Variants in PPP4R3B observed in about 807,000 individuals in gnomAD.
PPP4R3B encodes protein phosphatase 4 regulatory subunit 3B, also known as serine/threonine-protein phosphatase 4 regulatory subunit 3B.
A neutral mutation model predicts 95.4 loss-of-function variants in PPP4R3B; 52 were observed. The ratio of observed to expected loss-of-function variants is 0.54; its 90% CI spans 0.44 to 0.69. The LOEUF (loss-of-function observed/expected upper bound fraction) is 0.69, where lower values mean the gene tolerates loss of function less well. Among genes scored for constraint, PPP4R3B ranks in the 30% least tolerant of loss-of-function variants. The pLI, the probability that PPP4R3B is intolerant of heterozygous loss-of-function variation, is 0.00. For missense variants in PPP4R3B, 1,003 were observed against 1,005.9 expected, an observed-to-expected ratio of 1.00 and a Z score of 0.04; for synonymous variants, 407 against 343.9, an observed-to-expected ratio of 1.18 and a Z score of -2.03.
intron 16 of PPP4R3B, among the ~76,000 whole-genome samples, chr2:55,554,678 C>T (rs1685618183): frequency 1.3e-5 from 2 of 152,158 alleles, no homozygotes; most frequent in African/African-American, 4.8e-5. Flanking sequence ...ACAAATATTT[C>T]CTCCCATTTT....
intron 16 of PPP4R3B, among the ~76,000 whole-genome samples, chr2:55,554,974 T>C (rs1255857421): frequency 6.6e-6 from 1 of 152,150 alleles, no homozygotes; most frequent in Non-Finnish European, 1.5e-5. Flanking sequence ...TATCCAGTTG[T>C]AACATTTATT....
chr2:55,599,499 G>C (rs1572695637), intron 3 of PPP4R3B, among the ~76,000 whole-genome samples: 1 of 152,026 alleles, frequency 6.6e-6, no homozygotes, highest in East Asian at 1.9e-4. Flanking sequence ...TTCTCTTCCA[G>C]CTTGGTCCCT....
chr2:55,554,936 G>A (rs1394164055), intron 16 of PPP4R3B, among the ~76,000 whole-genome samples: 1 of 152,022 alleles, frequency 6.6e-6, no homozygotes, highest in Non-Finnish European at 1.5e-5. Context: ...GTGAGATAGG[G>A]ATCTAACTTC....
At chr2:55,571,677 G>GT (rs1259499204) in intron 12 of PPP4R3B, among the ~76,000 whole-genome samples, 5 of 152,182 alleles carry the variant, frequency 3.3e-5, no homozygotes, top group Non-Finnish European at 7.3e-5. Context: ...CCAGGCTAGA[G>GT]TGCAGTGTTG....
chr2:55,584,303 G>A (rs551677683), intron 7 of PPP4R3B, among the ~76,000 whole-genome samples: 1 of 152,048 alleles, frequency 6.6e-6, no homozygotes, highest in South Asian at 2.1e-4. Context: ...TATCAGTAGT[G>A]GGAAAACACA....
chr2:55,568,246 C>T lies in PPP4R3B; in HGVS notation c.1883G>A (p.Arg628Gln). The change falls in exon 13 of 17, where the codon CGG becomes CAG. Residue 628 changes from arginine to glutamine, a missense_variant. Physicochemically the swap from Arg to Gln is conservative, Grantham distance 43. This residue lies in a region of PPP4R3B where 79 missense variants were observed against 124.9 expected (regional missense o/e 0.63). Transcript: ENST00000616407. Reference protein sequence around the residue: ...VINALLDNGTRYNLLNSAVIE... With the variant: ...VINALLDNGTQYNLLNSAVIE... ...AACAGCTGAATTCAACAGATTATACCGAGTTCCATTATCCAGAAGTGCATT... is the reference window on the plus strand; with the variant it reads ...AACAGCTGAATTCAACAGATTATACTGAGTTCCATTATCCAGAAGTGCATT... 1 of 1,604,542 alleles carries T rather than the reference C, an allele frequency of 6.2e-7. No homozygotes were observed. Among genetic ancestry groups the T allele is most frequent in the South Asian group, 1.1e-5 (1 of 89,074 alleles).
intron 1 of PPP4R3B, chr2:55,616,710 T>TGG (rs1226958393): frequency 6.6e-6 from 1 of 152,510 alleles, no homozygotes; most frequent in Non-Finnish European, 1.5e-5. Flanking sequence ...CTGTGGCACC[T>TGG]GGGGCCCGTT....
intron 2 of PPP4R3B, among the ~76,000 whole-genome samples, chr2:55,608,030 G>C (rs571380853): frequency 2.6e-4 from 40 of 152,108 alleles, no homozygotes; most frequent in African/African-American, 8.9e-4. Flanking sequence ...TTTTGATACA[G>C]AGTCTCACTC....
At chr2:55,603,930 C>T in intron 3 of PPP4R3B, 48 bp downstream of exon 3, 2 of 1,372,622 alleles carry the variant, frequency 1.5e-6, no homozygotes, top group East Asian at 4.7e-5. Flanking sequence ...AACAAAAATT[C>T]CAGAAAAGAA....
At position 55,564,819 on chromosome 2, in the gene PPP4R3B, T is replaced by G; in HGVS notation, c.2075+83A>C. ...CAGTGATGGAAAGAAAATTCCTCAGTAAATTTCACATGGAAAATCTGAACT... is the reference window on the plus strand; with the variant it reads ...CAGTGATGGAAAGAAAATTCCTCAGGAAATTTCACATGGAAAATCTGAACT... On this transcript the variant is annotated intron_variant, in intron 14 of 16. Coordinates refer to ENST00000616407, the MANE Select transcript of PPP4R3B (RefSeq NM_001122964.3). 3 of 1,523,176 alleles carry G rather than the reference T, an allele frequency of 2.0e-6. No homozygotes were observed. In the South Asian group the frequency reaches 3.6e-5, roughly 18 times the overall value. 94.4% of individuals were successfully genotyped at this position (1,523,176 alleles called of 1,614,324 possible). A position where few individuals can be genotyped will look rare whatever the true frequency, so the allele number is the denominator to read the frequency against.
chr2:55,617,223 G>A lies in PPP4R3B; in HGVS notation c.63C>T (p.Asp21=), dbSNP rs552808379. The A allele has an allele frequency of 4.3e-6, 7 of 1,614,036 alleles. No homozygotes were observed. Among genetic ancestry groups the A allele is most frequent in the African/African-American group, 1.3e-5 (1 of 75,028 alleles). The change falls in exon 1 of 17, where the codon GAC becomes GAT. Residue 21 remains aspartate, a synonymous_variant. Coordinates refer to ENST00000616407, the MANE Select transcript of PPP4R3B (RefSeq NM_001122964.3). ...TGGAGGAGACGTGCCCGGTGCCTCG[G>A]TCGTCCCATTGCCGGTCTTCGTTCA... ...YTLNEDRQWD[D]RGTGHVSSTY... is the part of the protein sequence containing the mutation.
At chr2:55,589,888 C>T (rs1690726109) in intron 4 of PPP4R3B, among the ~76,000 whole-genome samples, 1 of 138,500 alleles carries the variant, frequency 7.2e-6, no homozygotes, top group African/African-American at 2.7e-5. Context: ...TGTATTCCAG[C>T]CTGGACAAAA....
In PPP4R3B at chr2:55,568,502, C is replaced by T. The variant is rs1177566750; in HGVS notation, c.1766-139G>A. ...CTGTGTATAAAGTAAAAAGTAAACT[C>T]CTCTAAAATGAAAAGTAAAACTGTC... On this transcript the variant is annotated intron_variant, in intron 12 of 16. Transcript: ENST00000616407. 1.8e-5 allele frequency: 11 copies of T among 616,752 alleles called. No individual in the cohort carries two copies. The South Asian group carries it at 3.9e-4, about 22-fold the overall frequency. The allele number at this position is 616,752 out of a possible 1,614,324, so 38.2% of individuals were successfully genotyped here.
At chr2:55,581,781 A>C in intron 7 of PPP4R3B, 83 bp from the exon 8 acceptor site, 4 of 1,445,208 alleles carry the variant, frequency 2.8e-6, no homozygotes, top group South Asian at 1.3e-5. Context: ...CTGAAAGAGC[A>C]AAGTGAGAAT....
At chr2:55,606,588 G>A (rs926049238) in intron 2 of PPP4R3B, among the ~76,000 whole-genome samples, 6 of 151,984 alleles carry the variant, frequency 3.9e-5, no homozygotes, top group Admixed American at 6.6e-5. Context: ...TTGGGAGGCC[G>A]AGGCGGGCGG....
Position 55,549,781 on chromosome 2 carries a change from T to TA in PPP4R3B, c.*129dup. On this transcript the variant is annotated 3_prime_UTR_variant, in exon 17 of 17. Transcript: ENST00000616407. ...ATTAGAACTAAACTCTCTTAGCTGA[T>TA]ATACTGTCTTTTGCTACTCCTTGTA... 4.2e-6 allele frequency: 3 copies of TA among 718,432 alleles called. No homozygotes were observed. The highest frequency in any genetic ancestry group is 4.8e-6 in the Non-Finnish European group (2 of 414,308). The allele number at this position is 718,432 out of a possible 1,614,324, so 44.5% of individuals were successfully genotyped here. A position where few individuals can be genotyped will look rare whatever the true frequency, so the allele number is the denominator to read the frequency against.
At position 55,578,343 on chromosome 2, in the gene PPP4R3B, C is replaced by A. The variant is rs1367428368; in HGVS notation, c.1469-1G>T. On this transcript the variant is annotated splice_acceptor_variant, in intron 9 of 16. Coordinates refer to ENST00000616407, the MANE Select transcript of PPP4R3B (RefSeq NM_001122964.3). LOFTEE classifies it high-confidence loss of function. ...TATCTGTAATGTTTTAAAAAAAAAT[C>A]TGAAAAAAAATATGGCAAGTTAGTT... is the stretch of plus-strand genomic sequence containing the variant. 1.4e-6 allele frequency: 2 copies of A among 1,380,664 alleles called. No homozygotes were observed. The highest frequency in any genetic ancestry group is 2.8e-5 in the East Asian group (1 of 35,630). 85.5% of individuals were successfully genotyped at this position (1,380,664 alleles called of 1,614,324 possible).
At chr2:55,557,647 T>C (rs952496950) in intron 16 of PPP4R3B, among the ~76,000 whole-genome samples, 4 of 152,138 alleles carry the variant, frequency 2.6e-5, no homozygotes, top group Non-Finnish European at 5.9e-5. Flanking sequence ...TGAATGAAAA[T>C]TCTACATTTT....
At chr2:55,609,121 T>C (rs989144977) in intron 2 of PPP4R3B, among the ~76,000 whole-genome samples, 6 of 152,212 alleles carry the variant, frequency 3.9e-5, no homozygotes, top group African/African-American at 1.2e-4. Context: ...TCTCAATTTA[T>C]AGCTATTACC....
Sources: allele counts gnomAD v4.1 joint callset (sites outside exome capture counted in the v4.1 genomes callset), GRCh38; gene constraint gnomAD v4.1.1; regional missense constraint gnomAD v4.1.1; transcripts MANE v1.5; gene names NCBI Gene and HGNC (gene_info 2026-07-23, HGNC 2026-07-21).